SLC9A1: variants seen among roughly 807,000 people sequenced by gnomAD.
SLC9A1 encodes the protein solute carrier family 9 member A1, also known as sodium/hydrogen exchanger 1.
SLC9A1 carries 22 observed loss-of-function variants against 67.9 expected under a neutral mutation model. The ratio of observed to expected loss-of-function variants is 0.32; its 90% confidence interval spans 0.23 to 0.46. The LOEUF is 0.46. SLC9A1 is among the 20% of genes least tolerant of loss of function. SLC9A1 has a pLI of 1.00. For synonymous variants in SLC9A1, 421 were observed against 471.8 expected, an observed-to-expected ratio of 0.89 and a Z score of 1.40; for missense variants, 686 against 1,094.8, an observed-to-expected ratio of 0.63 and a Z score of 5.27.
At position 27,137,146 on chromosome 1, in the gene SLC9A1, G is replaced by A. The variant is rs748741847; in HGVS notation, c.352+16837C>T. ...CCCACACACAAGTGTCAGTGCCAGC[G>A]CTTCCAGGGTGGGAACCACCAACCA... On this transcript the variant is annotated intron_variant, in intron 1 of 11. Transcript: ENST00000263980. This position sits in a 1 kb window ranked among gnomAD's most constrained non-coding sequence, Gnocchi z 4.6. 2.6e-5 allele frequency among the ~76,000 whole-genome samples: 4 copies of A among 152,282 alleles called. No individual in the cohort carries two copies. The highest frequency in any genetic ancestry group is 4.4e-5 in the Non-Finnish European group (3 of 68,054).
rs1048520219 is a variant in SLC9A1, at chr1:27,112,816, G to A, written c.813+1010C>T. Among the ~76,000 whole-genome samples the A allele has an allele frequency of 6.0e-4, 90 of 150,720 alleles. 2 individuals are homozygous for A. The stretch of plus-strand genomic sequence containing the variant: ...GGAGAATTGCTTGAACCTGGGAGGC[G>A]GAGGTTGCAGTGAGCTGAGCTTGCG... On this transcript the variant is annotated intron_variant, in intron 2 of 11. Transcript: ENST00000263980.
rs1484344147 is a variant in SLC9A1 at position 27,100,798 on chromosome 1, AC to A, written c.2111-155del. On this transcript the variant is annotated intron_variant, in intron 11 of 11. Coordinates refer to ENST00000263980, the MANE Select transcript of SLC9A1 (RefSeq NM_003047.5). The surrounding 1 kb of genome is among the most constrained non-coding windows in gnomAD (Gnocchi z 5.6). ...CAGAAGCAGGCCTCTGCGACCTTCC[AC>A]CCCACAGCTTCTCTTCCTCAGACTG... Among the ~76,000 whole-genome samples the A allele has an allele frequency of 5.3e-5, 8 of 151,810 alleles. No individual in the cohort carries two copies. In the South Asian group the frequency reaches 1.5e-3, roughly 28 times the overall value.
intron 1 of SLC9A1, among the ~76,000 whole-genome samples, chr1:27,120,171 CT>C (rs1170981349): frequency 6.6e-6 from 1 of 151,850 alleles, no homozygotes; most frequent in Non-Finnish European, 1.5e-5. Flanking sequence ...GAGTCTCACT[CT>C]TGTTGTACAG....
At chr1:27,132,749 G>T (rs1199302934) in intron 1 of SLC9A1, among the ~76,000 whole-genome samples, 1 of 152,152 alleles carries the variant, frequency 6.6e-6, no homozygotes, top group Non-Finnish European at 1.5e-5. Flanking sequence ...CAGATACCAG[G>T]GCTGGCAGTC....
At chr1:27,135,227 T>C (rs568644752) in intron 1 of SLC9A1, among the ~76,000 whole-genome samples, 3 of 151,918 alleles carry the variant, frequency 2.0e-5, no homozygotes, top group Admixed American at 6.6e-5. Flanking sequence ...TTTTTTATTT[T>C]ATTTTTGTAG....
Position 27,101,941 on chromosome 1 carries a change from C to A in SLC9A1, c.1935+75G>T. ...TGGGGTGGGTGCCGAGGGGCACGGG[C>A]AGGGCAGGGCTGCCGTAGAGAGGGG... On this transcript the variant is annotated intron_variant, in intron 9 of 11. Transcript: ENST00000263980. The surrounding 1 kb of genome is among the most constrained non-coding windows in gnomAD (Gnocchi z 4.9). The A allele has an allele frequency of 7.0e-7, 1 of 1,429,072 alleles. No homozygotes were observed. Among genetic ancestry groups the A allele is most frequent in the Non-Finnish European group, 9.8e-7 (1 of 1,016,148 alleles). The allele number at this position is 1,429,072 out of a possible 1,614,324, so 88.5% of individuals were successfully genotyped here. A position where few individuals can be genotyped will look rare whatever the true frequency, so the allele number is the denominator to read the frequency against.
intron 1 of SLC9A1, among the ~76,000 whole-genome samples, chr1:27,133,291 A>T (rs141366667): frequency 6.6e-6 from 1 of 151,602 alleles, no homozygotes; most frequent in African/African-American, 2.4e-5. Flanking sequence ...CTGGTCTCAA[A>T]CTCCTGACCT....
At chr1:27,128,916 C>G (rs867767262) in intron 1 of SLC9A1, among the ~76,000 whole-genome samples, 1 of 152,104 alleles carries the variant, frequency 6.6e-6, no homozygotes, top group Admixed American at 6.5e-5. Context: ...GAGATCCTCA[C>G]GCCATTGCAC....
chr1:27,140,702 CA>C (rs2083448267), intron 1 of SLC9A1, among the ~76,000 whole-genome samples: 1 of 152,160 alleles, frequency 6.6e-6, no homozygotes, highest in African/African-American at 2.4e-5. Flanking sequence ...ATCTGTTCTG[CA>C]AAATTGAGTG....
In SLC9A1 at chr1:27,102,481, G is replaced by T. The variant is rs959976815; in HGVS notation, c.1724C>A (p.Ala575Asp). Residue 575 changes from alanine to aspartate, a missense_variant, in exon 8 of 12, where the codon GCC (alanine) becomes GAC (aspartate). Ala to Asp is a moderately radical substitution (Grantham distance 126, BLOSUM62 -2). This residue lies in a region of SLC9A1 where 168 missense variants were observed against 375.4 expected (regional missense o/e 0.45). Transcript: ENST00000263980. ...CTTCATCTCCATCTTGTGGTAGAAGGCAATGAGCTGGGGCTCCTTGGAGCG... is the reference window on the plus strand; with the variant it reads ...CTTCATCTCCATCTTGTGGTAGAAGTCAATGAGCTGGGGCTCCTTGGAGCG... Reference protein sequence around the residue: ...GERSKEPQLIAFYHKMEMKQA... With the variant: ...GERSKEPQLIDFYHKMEMKQA... The T allele has an allele frequency of 6.2e-7, 1 of 1,611,268 alleles. No individual in the cohort carries two copies. Among genetic ancestry groups the T allele is most frequent in the African/African-American group, 1.3e-5 (1 of 74,904 alleles).
At chr1:27,141,946 T>G (rs1195299662) in intron 1 of SLC9A1, among the ~76,000 whole-genome samples, 1 of 152,304 alleles carries the variant, frequency 6.6e-6, no homozygotes, top group East Asian at 1.9e-4. Context: ...TGGCTTGTGA[T>G]GGACTACACG....
intron 1 of SLC9A1, among the ~76,000 whole-genome samples, chr1:27,121,590 G>T (rs1336147542): frequency 2.6e-5 from 4 of 152,120 alleles, no homozygotes; most frequent in African/African-American, 9.7e-5. Flanking sequence ...TAGAGACCTG[G>T]CAAGAGAGGC....
chr1:27,153,519 C>G (rs1325198325), intron 1 of SLC9A1, among the ~76,000 whole-genome samples: 1 of 152,198 alleles, frequency 6.6e-6, no homozygotes, highest in Non-Finnish European at 1.5e-5. Flanking sequence ...ACTCCTCAAG[C>G]AGGCCAAGTA....
chr1:27,100,748 C>T lies in SLC9A1; in HGVS notation c.2111-104G>A. On this transcript the variant is annotated intron_variant, in intron 11 of 11. Transcript: ENST00000263980. This position sits in a 1 kb window ranked among gnomAD's most constrained non-coding sequence, Gnocchi z 5.6. Reference sequence around the variant, plus strand: ...CCTCCTTCAGGCCTTCTCATGAGCACAGCCGTCCCGGTCCCAACAGGCCTC... The same window carrying T: ...CCTCCTTCAGGCCTTCTCATGAGCATAGCCGTCCCGGTCCCAACAGGCCTC... 1 of 915,138 alleles carries T rather than the reference C, an allele frequency of 1.1e-6. No homozygotes were observed. The highest frequency in any genetic ancestry group is 2.3e-5 in the Admixed American group (1 of 43,856). The allele number at this position is 915,138 out of a possible 1,614,324, so 56.7% of individuals were successfully genotyped here.
At chr1:27,147,655 AC>A (rs2083497301) in intron 1 of SLC9A1, among the ~76,000 whole-genome samples, 1 of 152,176 alleles carries the variant, frequency 6.6e-6, no homozygotes, top group Non-Finnish European at 1.5e-5. Flanking sequence ...CTCTAAAAAA[AC>A]AAAACAAAAC....
intron 2 of SLC9A1, among the ~76,000 whole-genome samples, chr1:27,112,329 T>C (rs530664328): frequency 6.6e-6 from 1 of 152,310 alleles, no homozygotes. Context: ...TGCTGCTTCC[T>C]GAAGGCTGGG....
At chr1:27,144,650 A>G (rs2083471036) in intron 1 of SLC9A1, among the ~76,000 whole-genome samples, 1 of 152,224 alleles carries the variant, frequency 6.6e-6, no homozygotes, top group African/African-American at 2.4e-5. Flanking sequence ...AGTCAATCAC[A>G]TATTCATTCA....
rs1254997776 is a variant in SLC9A1, at chr1:27,111,811, CTAAA to C, written c.813+2011_813+2014del. ...GTCTGTGTGACAGGAGACTCTGTCTCTAAATAAATAAATAAAAATGAGGCAATAC... is the reference window on the plus strand; with the variant it reads ...GTCTGTGTGACAGGAGACTCTGTCTCTAAATAAATAAAAATGAGGCAATAC... On this transcript the variant is annotated intron_variant, in intron 2 of 11. Coordinates refer to ENST00000263980, the MANE Select transcript of SLC9A1 (RefSeq NM_003047.5). Among the ~76,000 whole-genome samples, 7 of 152,116 alleles carry C rather than the reference CTAAA, an allele frequency of 4.6e-5. No homozygotes were observed. The East Asian group carries it at 5.8e-4, about 13-fold the overall frequency.
At chr1:27,136,006 T>C (rs1323142767) in intron 1 of SLC9A1, among the ~76,000 whole-genome samples, 4 of 152,234 alleles carry the variant, frequency 2.6e-5, no homozygotes, top group Admixed American at 2.0e-4. Context: ...AGGCAGGTAG[T>C]AGAGCTGGGA....
Sources: gnomAD v4.1 joint callset for allele counts (sites outside exome capture counted in the v4.1 genomes callset) on GRCh38, gnomAD v4.1.1 for gene constraint, gnomAD v4.1.1 regional missense constraint, Gnocchi (gnomAD v3.1) non-coding constraint, MANE v1.5 for transcripts, NCBI Gene and HGNC (gene_info 2026-07-23, HGNC 2026-07-21) for gene names.